The following ERC2 variants were observed in gnomAD, a reference collection of about 807,000 sequenced individuals.
ERC2 encodes the protein ERC protein 2.
A neutral mutation model predicts 114.8 loss-of-function variants in ERC2; 42 were observed. The observed-to-expected ratio is 0.37, with a 90% CI of 0.29 to 0.47. ERC2 has a LOEUF of 0.47. ERC2 is among the 20% of genes least tolerant of loss of function. The pLI is 0.99. For missense variants in ERC2, 939 were observed against 1,150.7 expected (o/e 0.82, Z 2.66); for synonymous variants, 454 against 425.5 (o/e 1.07, Z -0.82).
At chr3:55,617,651 AT>A (rs1434510453) in intron 17 of ERC2, among the ~76,000 whole-genome samples, 2 of 152,206 alleles carry the variant, frequency 1.3e-5, no homozygotes, top group Non-Finnish European at 1.5e-5. Flanking sequence ...ACTTCCAGGG[AT>A]TTAACAAGTT....
chr3:55,990,120 G>T (rs1239873130), intron 11 of ERC2, among the ~76,000 whole-genome samples: 1 of 152,062 alleles, frequency 6.6e-6, no homozygotes, highest in African/African-American at 2.4e-5. Context: ...TTCCAAAATA[G>T]ATCCATCTAA....
chr3:56,108,651 A>G (rs2078796608), intron 6 of ERC2, among the ~76,000 whole-genome samples: 1 of 152,146 alleles, frequency 6.6e-6, no homozygotes, highest in Non-Finnish European at 1.5e-5. Context: ...ATTCTCCCTA[A>G]GTTAATTTAT....
intron 2 of ERC2, among the ~76,000 whole-genome samples, chr3:56,340,020 C>T (rs2058024252): frequency 6.6e-6 from 1 of 152,156 alleles, no homozygotes; most frequent in Admixed American, 6.5e-5. Context: ...ATAAAAGTGA[C>T]ATCCTGATGC....
intron 17 of ERC2, among the ~76,000 whole-genome samples, chr3:55,620,156 G>C (rs2059269061): frequency 1.3e-5 from 2 of 152,090 alleles, no homozygotes; most frequent in Non-Finnish European, 2.9e-5. Context: ...GCAATGACCT[G>C]GTTGATCAAT....
intron 7 of ERC2, among the ~76,000 whole-genome samples, chr3:56,064,698 G>A (rs140085852): frequency 1.0e-3 from 155 of 152,278 alleles, no homozygotes; most frequent in African/African-American, 3.6e-3. Flanking sequence ...TAAATATTTA[G>A]AGTACACTTT....
chr3:55,695,636 T>C lies in ERC2; in HGVS notation c.2847+3742A>G, dbSNP rs145111523. Among the ~76,000 whole-genome samples the C allele has an allele frequency of 6.2e-3, 948 of 152,284 alleles. 14 individuals are homozygous for C. The highest frequency in any genetic ancestry group is 0.022 in the African/African-American group (895 of 41,564). ...ACTCTTTCTCAGATATTATTGCCTT[T>C]AAGAAGGTATCCCAGGAAATGAATG... On this transcript the variant is annotated intron_variant, in intron 16 of 17. Transcript: ENST00000288221.
chr3:55,889,816 T>C (rs1312579074), intron 13 of ERC2, among the ~76,000 whole-genome samples: 1 of 152,198 alleles, frequency 6.6e-6, no homozygotes, highest in Non-Finnish European at 1.5e-5. Flanking sequence ...TCAAAATGTG[T>C]CAATGACATG....
intron 1 of ERC2, among the ~76,000 whole-genome samples, chr3:56,441,849 C>A (rs1024001731): frequency 6.6e-6 from 1 of 152,064 alleles, no homozygotes; most frequent in African/African-American, 2.4e-5. Context: ...CCCCAGCCTT[C>A]CCTGGGATAA....
intron 14 of ERC2, among the ~76,000 whole-genome samples, chr3:55,826,491 T>C (rs1388142525): frequency 6.6e-6 from 1 of 152,240 alleles, no homozygotes; most frequent in East Asian, 1.9e-4. Context: ...AAAGGAATGT[T>C]AACAGCGTAT....
At chr3:56,374,199 C>T (rs1400110220) in intron 2 of ERC2, among the ~76,000 whole-genome samples, 1 of 152,186 alleles carries the variant, frequency 6.6e-6, no homozygotes, top group East Asian at 1.9e-4. Flanking sequence ...CAGGTTCACG[C>T]CATTCTCCTG....
intron 17 of ERC2, among the ~76,000 whole-genome samples, chr3:55,632,793 G>A (rs545633059): frequency 6.6e-6 from 1 of 152,270 alleles, no homozygotes; most frequent in East Asian, 1.9e-4. Flanking sequence ...ATATAATTCT[G>A]TGAAAGAAAG....
intron 3 of ERC2, among the ~76,000 whole-genome samples, chr3:56,228,822 A>G (rs897199024): frequency 2.0e-5 from 3 of 152,234 alleles, no homozygotes; most frequent in Admixed American, 2.0e-4. Context: ...CTAAAGAGCA[A>G]TGACAACAAC....
intron 17 of ERC2, among the ~76,000 whole-genome samples, chr3:55,640,980 A>T (rs1559785845): frequency 6.6e-6 from 1 of 152,202 alleles, no homozygotes; most frequent in East Asian, 1.9e-4. Flanking sequence ...ATGGATAGGA[A>T]CGCGACAAAA....
intron 17 of ERC2, among the ~76,000 whole-genome samples, chr3:55,608,517 A>T (rs1262898481): frequency 1.3e-5 from 2 of 152,188 alleles, no homozygotes; most frequent in Non-Finnish European, 2.9e-5. Flanking sequence ...TTCTCTTTAC[A>T]AAGGTTCCTA....
chr3:56,170,589 T>TG (rs2082587805), intron 4 of ERC2, among the ~76,000 whole-genome samples: 1 of 25,748 alleles, frequency 3.9e-5, no homozygotes, highest in African/African-American at 7.7e-5. Flanking sequence ...TCTTCTGTTT[T>TG]TTTTTTTTTT....
At chr3:55,783,530 T>A (rs899495219) in intron 14 of ERC2, among the ~76,000 whole-genome samples, 2 of 152,218 alleles carry the variant, frequency 1.3e-5, no homozygotes, top group Non-Finnish European at 2.9e-5. Context: ...GGATTTACTT[T>A]TAAAATATTT....
intron 2 of ERC2, among the ~76,000 whole-genome samples, chr3:56,369,892 G>A (rs2059298938): frequency 1.3e-5 from 2 of 151,916 alleles, no homozygotes; most frequent in East Asian, 3.9e-4. Context: ...GGCCAGGATG[G>A]TCTCGATCTC....
At chr3:55,854,155 G>T (rs1361795126) in intron 14 of ERC2, among the ~76,000 whole-genome samples, 1 of 152,086 alleles carries the variant, frequency 6.6e-6, no homozygotes, top group African/African-American at 2.4e-5. Context: ...GGCGCCTGTA[G>T]TCCCAGCTAC....
intron 6 of ERC2, among the ~76,000 whole-genome samples, chr3:56,133,368 C>G (rs1432181574): frequency 6.6e-6 from 1 of 152,026 alleles, no homozygotes; most frequent in Non-Finnish European, 1.5e-5. Flanking sequence ...ACCCGAGAGG[C>G]GGAGGTTGCA....
Sources: gnomAD v4.1 joint callset for allele counts (sites outside exome capture counted in the v4.1 genomes callset) on GRCh38, gnomAD v4.1.1 for gene constraint, MANE v1.5 for transcripts, NCBI Gene and HGNC (gene_info 2026-07-23, HGNC 2026-07-21) for gene names.